Variants in TUBB8 observed in about 807,000 individuals in gnomAD.
The protein encoded by TUBB8 is tubulin beta 8 class VIII.
In TUBB8, 25 loss-of-function variants were observed where a neutral mutation model predicts 33.7. That is an observed-to-expected ratio of 0.74 (90% CI 0.54 to 1.04). The LOEUF is 1.04. Ranked by LOEUF, TUBB8 falls within the 50% of genes least tolerant of loss-of-function variation. The pLI is 0.00. For missense variants in TUBB8, 279 were observed against 608.0 expected (o/e 0.46, Z 5.69); for synonymous variants, 245 against 240.1 (o/e 1.02, Z -0.19).
At chr10:65,345 C>A (rs1395495987) in intron 1 of TUBB8, among the ~76,000 whole-genome samples, 8 of 152,190 alleles carry the variant, frequency 5.3e-5, no homozygotes, top group Non-Finnish European at 7.3e-5. Flanking sequence ...CAATCCCATC[C>A]GCAATTTAAT....
Position 69,873 on chromosome 10 carries a change from C to T in TUBB8, c.-846+4096G>A, listed in dbSNP as rs773413189. On this transcript the variant is annotated intron_variant, in intron 1 of 3. Coordinates refer to the TUBB8 transcript ENST00000564130. Reference sequence around the variant, plus strand: ...GCCAGAGGACTCCAGCCTGGGCAATCGGGCCAGACCCTAAAAACACTCTCC... The same window carrying T: ...GCCAGAGGACTCCAGCCTGGGCAATTGGGCCAGACCCTAAAAACACTCTCC... 3.7e-4 allele frequency among the ~76,000 whole-genome samples: 57 copies of T among 152,306 alleles called. No homozygotes were observed. The Middle Eastern group carries it at 0.014, about 36-fold the overall frequency.
rs150257166 is a variant in TUBB8 at position 47,795 on chromosome 10, G to A, written c.597C>T (p.Thr199=). ...VHQLIENADE[T]FCIDNEALYD... is the part of the protein sequence containing the mutation. ...ACAGAGCTTCGTTATCTATGCAAAA[G>A]GTCTCATCTGCGTTTTCTATGAGCT... The change falls in exon 4 of 4, where the codon ACC becomes ACT. Residue 199 remains threonine (T), a synonymous_variant. Coordinates refer to ENST00000568584, the MANE Select transcript of TUBB8 (RefSeq NM_177987.3). 3 of 1,614,082 alleles carry A rather than the reference G, an allele frequency of 1.9e-6. No individual in the cohort carries two copies. Among genetic ancestry groups the A allele is most frequent in the African/African-American group, 1.3e-5 (1 of 74,950 alleles).
chr10:67,054 A>C (rs1238486342), intron 1 of TUBB8, among the ~76,000 whole-genome samples: 1 of 152,198 alleles, frequency 6.6e-6, no homozygotes, highest in African/African-American at 2.4e-5. Flanking sequence ...GATCTATTCA[A>C]TGGATTATAC....
intron 1 of TUBB8, among the ~76,000 whole-genome samples, chr10:69,923 A>G (rs1467483959): frequency 6.6e-6 from 1 of 152,208 alleles, no homozygotes; most frequent in Non-Finnish European, 1.5e-5. Context: ...GGAGCCAGAC[A>G]GAATTCTCTC....
intron 1 of TUBB8, among the ~76,000 whole-genome samples, chr10:63,617 T>C (rs1554741186): frequency 2.0e-5 from 3 of 152,248 alleles, no homozygotes; most frequent in African/African-American, 7.2e-5. Context: ...GCATTTTAAC[T>C]TCAGAATTTC....
intron 1 of TUBB8, 84 bp from the exon 2 acceptor site, chr10:48,996 C>T (rs1834421026): frequency 1.6e-6 from 2 of 1,242,850 alleles, no homozygotes; most frequent in African/African-American, 1.5e-5. Context: ...CCCTCATCCG[C>T]ACCCCCATCC....
intron 1 of TUBB8, among the ~76,000 whole-genome samples, chr10:68,456 G>A (rs374229333): frequency 0.048 from 5,038 of 105,060 alleles, no homozygotes; most frequent in African/African-American, 0.12. Flanking sequence ...TATTGCAGCC[G>A]CAATACTGAT....
chr10:62,833 T>G (rs1834620858), intron 1 of TUBB8, among the ~76,000 whole-genome samples: 1 of 152,240 alleles, frequency 6.6e-6, no homozygotes, highest in African/African-American at 2.4e-5. Context: ...GCCTGTAAAT[T>G]TTCCCCTGAA....
At chr10:66,944 G>C (rs1486977122) in intron 1 of TUBB8, among the ~76,000 whole-genome samples, 3 of 152,186 alleles carry the variant, frequency 2.0e-5, no homozygotes, top group Non-Finnish European at 4.4e-5. Flanking sequence ...CAGTACTCCA[G>C]CCTGGGAGAC....
intron 1 of TUBB8, among the ~76,000 whole-genome samples, chr10:72,941 C>T (rs1249113849): frequency 4.0e-5 from 6 of 149,508 alleles, no homozygotes; most frequent in Non-Finnish European, 5.9e-5. Flanking sequence ...ATAACCTTAA[C>T]GAAATCTGAT....
At chr10:62,948 T>A (rs10904372) in intron 1 of TUBB8, among the ~76,000 whole-genome samples, 17,032 of 151,736 alleles carry the variant, frequency 0.11, 833 homozygotes, top group African/African-American at 0.31. Flanking sequence ...GGAGTTCAGT[T>A]AAGTGCCTTG....
At chr10:56,728 T>C (rs574883425) in intron 1 of TUBB8, among the ~76,000 whole-genome samples, 14 of 152,332 alleles carry the variant, frequency 9.2e-5, no homozygotes, top group African/African-American at 1.4e-4. Context: ...ACTTCCAACA[T>C]TGAGGATTAC....
At chr10:64,316 C>A (rs1250186684) in intron 1 of TUBB8, among the ~76,000 whole-genome samples, 9 of 134,142 alleles carry the variant, frequency 6.7e-5, no homozygotes, top group African/African-American at 1.8e-4. Flanking sequence ...CAAACCCTAA[C>A]CCTAGTCCTA....
intron 3 of TUBB8, chr10:48,390 G>A (rs1554738710): frequency 4.7e-6 from 3 of 638,290 alleles, no homozygotes; most frequent in Admixed American, 5.2e-5. Flanking sequence ...CCCAGCTCAG[G>A]TTCTTGCAGG....
At chr10:49,136 C>G (rs1554739000) in intron 1 of TUBB8, 46 bp downstream of exon 1, 1 of 1,541,666 alleles carries the variant, frequency 6.5e-7, no homozygotes, top group South Asian at 1.2e-5. Flanking sequence ...CCTTCCCCGG[C>G]CACCCGGCAG....
upstream of TUBB8, among the ~76,000 whole-genome samples, chr10:76,415 C>G (rs1347830552): frequency 6.6e-6 from 1 of 152,046 alleles, no homozygotes; most frequent in East Asian, 1.9e-4. Context: ...ACGGGAAACG[C>G]GCCGCGCTCG....
At chr10:59,944 T>G (rs1554740658) in intron 1 of TUBB8, among the ~76,000 whole-genome samples, 1 of 152,114 alleles carries the variant, frequency 6.6e-6, no homozygotes, top group Non-Finnish European at 1.5e-5. Context: ...TAATGATCTT[T>G]TGATTTTCTG....
chr10:62,789 T>G (rs1554741072), intron 1 of TUBB8, among the ~76,000 whole-genome samples: 1 of 152,198 alleles, frequency 6.6e-6, no homozygotes, highest in African/African-American at 2.4e-5. Flanking sequence ...CTTTTTTTTC[T>G]TCAGCTTTTC....
intron 1 of TUBB8, among the ~76,000 whole-genome samples, chr10:72,254 T>TAAAAAAAAAA (rs34999592): frequency 8.0e-6 from 1 of 125,254 alleles, no homozygotes; most frequent in African/African-American, 3.0e-5. Flanking sequence ...TTTTTTTAAT[T>TAAAAAAAAAA]AAAAAAAAAA....
Sources: gnomAD v4.1 joint callset for allele counts (sites outside exome capture counted in the v4.1 genomes callset) on GRCh38, gnomAD v4.1.1 for gene constraint, MANE v1.5 for transcripts, NCBI Gene and HGNC (gene_info 2026-07-23, HGNC 2026-07-21) for gene names.